The following ZBTB16 variants were observed in gnomAD, a reference collection of about 807,000 sequenced individuals.
ZBTB16 encodes the protein zinc finger and BTB domain containing 16, also known as zinc finger and BTB domain-containing protein 16.
A neutral mutation model predicts 56.8 loss-of-function variants in ZBTB16; 8 were observed. That is an observed-to-expected ratio of 0.14 (90% CI 0.08 to 0.25). The LOEUF (loss-of-function observed/expected upper bound fraction) is 0.25, where lower values mean the gene tolerates loss of function less well. Ranked by LOEUF, ZBTB16 falls within the 10% of genes least tolerant of loss-of-function variation. The pLI, the probability that ZBTB16 is intolerant of heterozygous loss-of-function variation, is 1.00. For synonymous variants in ZBTB16, 363 were observed against 368.5 expected, an observed-to-expected ratio of 0.98 and a Z score of 0.17; for missense variants, 625 against 903.0, an observed-to-expected ratio of 0.69 and a Z score of 3.95.
intron 2 of ZBTB16, among the ~76,000 whole-genome samples, chr11:114,082,034 T>C (rs1387568168): frequency 6.7e-6 from 1 of 149,024 alleles, no homozygotes; most frequent in Non-Finnish European, 1.5e-5. Context: ...GTCATCCCAG[T>C]GCTTTGGGAG....
At position 114,252,190 on chromosome 11, in the gene ZBTB16, G is replaced by C. The variant is rs1944929445; in HGVS notation, c.*1635G>C. The stretch of plus-strand genomic sequence containing the variant: ...TAGGGAGTCACTTTTGGCTCCGCTG[G>C]TGCATGAAGTCACCTGTGGCCACCA... On this transcript the variant is annotated 3_prime_UTR_variant, in exon 7 of 7. Coordinates refer to ENST00000335953, the MANE Select transcript of ZBTB16 (RefSeq NM_006006.6). 6.6e-6 allele frequency among the ~76,000 whole-genome samples: 1 copy of C among 152,140 alleles called. No homozygotes were observed. The highest frequency in any genetic ancestry group is 2.4e-5 in the African/African-American group (1 of 41,416).
intron 3 of ZBTB16, among the ~76,000 whole-genome samples, chr11:114,178,185 A>G (rs1289498659): frequency 2.0e-5 from 3 of 152,060 alleles, no homozygotes; most frequent in South Asian, 4.1e-4. Context: ...TATCTCTTGC[A>G]TGCATTTGAT....
At chr11:114,101,320 G>T (rs1009426831) in intron 2 of ZBTB16, among the ~76,000 whole-genome samples, 1 of 151,904 alleles carries the variant, frequency 6.6e-6, no homozygotes, top group East Asian at 1.9e-4. Context: ...TGGTGTTTTT[G>T]TTTGTTTGTT....
intron 4 of ZBTB16, among the ~76,000 whole-genome samples, chr11:114,190,760 T>C (rs619046): frequency 0.19 from 19,994 of 105,836 alleles, 1,373 homozygotes; most frequent in African/African-American, 0.26. Flanking sequence ...CACACACACA[T>C]ATATATACAC....
chr11:114,249,771 C>CAAAAA (rs55732116), intron 6 of ZBTB16, among the ~76,000 whole-genome samples: 962 of 59,256 alleles, frequency 0.016, 88 homozygotes, highest in African/African-American at 0.071. Context: ...GACTCCGTCT[C>CAAAAA]AAAAAAAAAA....
chr11:114,066,686 C>T (rs1939129826), intron 2 of ZBTB16, among the ~76,000 whole-genome samples: 1 of 151,638 alleles, frequency 6.6e-6, no homozygotes, highest in Admixed American at 6.6e-5. Flanking sequence ...TCGAAAGAGC[C>T]TGGGTATTGG....
In ZBTB16 at chr11:114,102,420, G is replaced by A. The variant is rs542517072; in HGVS notation, c.1268+37852G>A. On this transcript the variant is annotated intron_variant, in intron 2 of 6. Transcript: ENST00000335953. Reference sequence around the variant, plus strand: ...CCTTGGTGAGTTTTTTTTACTCTGGGGTTTTCAGGAGAAAGGTTTGTCATT... The same window carrying A: ...CCTTGGTGAGTTTTTTTTACTCTGGAGTTTTCAGGAGAAAGGTTTGTCATT... Among the ~76,000 whole-genome samples, 9 of 152,130 alleles carry A rather than the reference G, an allele frequency of 5.9e-5. No individual in the cohort carries two copies. In the South Asian group the frequency reaches 1.9e-3, roughly 32 times the overall value.
intron 2 of ZBTB16, among the ~76,000 whole-genome samples, chr11:114,095,245 C>CTTTTATTTTCT (rs1555132749): frequency 1.1e-5 from 1 of 90,480 alleles, no homozygotes; most frequent in African/African-American, 6.2e-5. Flanking sequence ...CTTTTCTTTT[C>CTTTTATTTTCT]TTTTTTTTTT....
At chr11:114,249,033 TG>T (rs1474150131) in intron 6 of ZBTB16, among the ~76,000 whole-genome samples, 5 of 152,150 alleles carry the variant, frequency 3.3e-5, no homozygotes, top group African/African-American at 9.6e-5. Flanking sequence ...GGGGACTCTA[TG>T]GAAGGAAAGT....
rs1944950107 is a variant in ZBTB16, at chr11:114,253,452, C to T, written c.*2897C>T. Among the ~76,000 whole-genome samples, 1 of 152,082 alleles carries T rather than the reference C, an allele frequency of 6.6e-6. No homozygotes were observed. Among genetic ancestry groups the T allele is most frequent in the Non-Finnish European group, 1.5e-5 (1 of 68,024 alleles). On this transcript the variant is annotated 3_prime_UTR_variant, in exon 7 of 7. Transcript: ENST00000335953. ...ACCACCACCAAAATATCCCTTTGTA[C>T]ATGTATGTGCGTGTGCGCGTGTGCT...
intron 4 of ZBTB16, among the ~76,000 whole-genome samples, chr11:114,231,393 C>T (rs1403347273): frequency 1.3e-5 from 2 of 152,164 alleles, no homozygotes; most frequent in African/African-American, 4.8e-5. Flanking sequence ...GCTCCCCCTC[C>T]ATATTCCCCA....
chr11:114,109,024 G>A (rs567005167), intron 2 of ZBTB16, among the ~76,000 whole-genome samples: 50 of 152,290 alleles, frequency 3.3e-4, no homozygotes, highest in African/African-American at 1.1e-3. Context: ...GAGTGGGGAC[G>A]GGGCTGATCT....
At chr11:114,236,746 G>A (rs530134509) in intron 4 of ZBTB16, among the ~76,000 whole-genome samples, 1 of 152,252 alleles carries the variant, frequency 6.6e-6, no homozygotes, top group South Asian at 2.1e-4. Context: ...AATTCAACAT[G>A]CAGTTATTAA....
At position 114,223,606 on chromosome 11, in the gene ZBTB16, G is replaced by C. The variant is rs146529672; in HGVS notation, c.1454-18561G>C. Among the ~76,000 whole-genome samples the C allele has an allele frequency of 2.2e-4, 33 of 152,258 alleles. No homozygotes were observed. The East Asian group carries it at 5.8e-3, about 27-fold the overall frequency. ...ATTGAACACCCATTCTTACTTAGTA[G>C]TATATTAGGCTCTGGGAATACAGTG... On this transcript the variant is annotated intron_variant, in intron 4 of 6. Coordinates refer to ENST00000335953, the MANE Select transcript of ZBTB16 (RefSeq NM_006006.6).
intron 4 of ZBTB16, among the ~76,000 whole-genome samples, chr11:114,201,375 C>T (rs1214217830): frequency 2.0e-5 from 3 of 152,078 alleles, no homozygotes; most frequent in East Asian, 1.9e-4. Flanking sequence ...GCCACCAAGC[C>T]GGGCCCAGGG....
At chr11:114,084,892 C>T (rs1458435100) in intron 2 of ZBTB16, among the ~76,000 whole-genome samples, 1 of 152,192 alleles carries the variant, frequency 6.6e-6, no homozygotes, top group Non-Finnish European at 1.5e-5. Flanking sequence ...CAGATCTGCC[C>T]ACCTTGGAGC....
chr11:114,132,108 A>G (rs1941676824), intron 2 of ZBTB16, among the ~76,000 whole-genome samples: 1 of 152,162 alleles, frequency 6.6e-6, no homozygotes, highest in African/African-American at 2.4e-5. Context: ...TTAATGTCAA[A>G]TGTTCTGGAA....
intron 2 of ZBTB16, among the ~76,000 whole-genome samples, chr11:114,104,795 T>C (rs1402396787): frequency 5.9e-5 from 9 of 152,238 alleles, no homozygotes; most frequent in Non-Finnish European, 2.9e-5. Context: ...CATAGACCAA[T>C]TCTTGCTTTT....
At chr11:114,191,072 T>C (rs1481715518) in intron 4 of ZBTB16, among the ~76,000 whole-genome samples, 2 of 152,040 alleles carry the variant, frequency 1.3e-5, no homozygotes, top group Non-Finnish European at 1.5e-5. Context: ...TGACCAGTTA[T>C]CTAAGAGAAC....
Sources: allele counts gnomAD v4.1 joint callset (sites outside exome capture counted in the v4.1 genomes callset), GRCh38; gene constraint gnomAD v4.1.1; transcripts MANE v1.5; gene names NCBI Gene and HGNC (gene_info 2026-07-23, HGNC 2026-07-21).